The following STAU2 variants were observed in gnomAD, a reference collection of about 807,000 sequenced individuals.
STAU2 encodes staufen double-stranded RNA binding protein 2.
In STAU2, 20 loss-of-function variants were observed where a neutral mutation model predicts 65.9. The observed-to-expected ratio is 0.30, with a 90% CI of 0.21 to 0.44. The LOEUF (loss-of-function observed/expected upper bound fraction) is 0.44. STAU2 is among the 20% of genes least tolerant of loss of function. The probability of loss-of-function intolerance (pLI) is 1.00; values close to 1 mark genes in which losing one functional copy is unlikely to be tolerated. For missense variants in STAU2, 558 were observed against 683.9 expected, an observed-to-expected ratio of 0.82 and a Z score of 2.05; for synonymous variants, 232 against 233.9, an observed-to-expected ratio of 0.99 and a Z score of 0.07.
chr8:73,639,948 T>C (rs180771812), intron 6 of STAU2, among the ~76,000 whole-genome samples: 26 of 152,240 alleles, frequency 1.7e-4, no homozygotes, highest in African/African-American at 6.3e-4. Context: ...CTAAGAATAT[T>C]TACTCCAGTT....
chr8:73,555,374 G>A (rs1331405719), intron 12 of STAU2, among the ~76,000 whole-genome samples: 1 of 152,096 alleles, frequency 6.6e-6, no homozygotes, highest in Non-Finnish European at 1.5e-5. Flanking sequence ...GGCACGCAGG[G>A]GCCAAGGTCC....
chr8:73,478,305 T>TA (rs10660977), intron 13 of STAU2, among the ~76,000 whole-genome samples: 10,601 of 77,336 alleles, frequency 0.14, 812 homozygotes, highest in African/African-American at 0.23. Context: ...ACTGATGAGC[T>TA]AAAAAAAAAA....
At chr8:73,688,918 T>C in intron 4 of STAU2, 105 bp from the exon 5 acceptor site, 1 of 1,355,316 alleles carries the variant, frequency 7.4e-7, no homozygotes, top group East Asian at 2.3e-5. Flanking sequence ...ATTTTAGAGC[T>C]AGAGGTGACC....
chr8:73,646,935 C>CCA (rs1365707962), intron 6 of STAU2, among the ~76,000 whole-genome samples: 6 of 89,364 alleles, frequency 6.7e-5, no homozygotes, highest in African/African-American at 2.1e-4. Flanking sequence ...AGACACACAG[C>CCA]CAGACACACA....
intron 4 of STAU2, among the ~76,000 whole-genome samples, chr8:73,689,711 C>CTT (rs1325239454): frequency 9.2e-5 from 14 of 152,066 alleles, no homozygotes; most frequent in Non-Finnish European, 1.9e-4. Flanking sequence ...TCTAGGAATA[C>CTT]TAAGTATTAA....
At chr8:73,545,792 C>A (rs1300856787) in intron 13 of STAU2, among the ~76,000 whole-genome samples, 2 of 151,920 alleles carry the variant, frequency 1.3e-5, no homozygotes, top group South Asian at 2.1e-4. Context: ...GGACTCCAGG[C>A]GCCCGCCACC....
chr8:73,671,968 T>C (rs1390551419), intron 6 of STAU2, among the ~76,000 whole-genome samples: 1 of 151,644 alleles, frequency 6.6e-6, no homozygotes, highest in East Asian at 1.9e-4. Context: ...GTGGGTGCAG[T>C]GAGACAAGAT....
chr8:73,724,329 G>A (rs1304418210), intron 3 of STAU2, among the ~76,000 whole-genome samples: 6 of 152,010 alleles, frequency 3.9e-5, no homozygotes, highest in African/African-American at 1.5e-4. Context: ...GTCCCCATCC[G>A]TCCTTCTTAT....
At chr8:73,744,018 C>A (rs1807102337) in intron 1 of STAU2, among the ~76,000 whole-genome samples, 1 of 152,156 alleles carries the variant, frequency 6.6e-6, no homozygotes, top group African/African-American at 2.4e-5. Flanking sequence ...GATCCACCTG[C>A]CTCGGCCTCC....
intron 12 of STAU2, among the ~76,000 whole-genome samples, chr8:73,574,366 G>C (rs1332701465): frequency 6.6e-6 from 1 of 152,178 alleles, no homozygotes; most frequent in Non-Finnish European, 1.5e-5. Context: ...CAAGAGTCTA[G>C]AACTAGAAAT....
chr8:73,705,654 G>A (rs909881132), intron 4 of STAU2, among the ~76,000 whole-genome samples: 1 of 152,028 alleles, frequency 6.6e-6, no homozygotes, highest in Non-Finnish European at 1.5e-5. Flanking sequence ...TTATTATAAG[G>A]TATACTAACT....
At chr8:73,612,918 T>C (rs1025341908) in intron 9 of STAU2, among the ~76,000 whole-genome samples, 6 of 152,184 alleles carry the variant, frequency 3.9e-5, no homozygotes, top group Non-Finnish European at 7.4e-5. Context: ...ATGTCATACG[T>C]GTCAAGCATT....
chr8:73,519,095 A>G (rs1822899188), intron 13 of STAU2, among the ~76,000 whole-genome samples: 1 of 152,194 alleles, frequency 6.6e-6, no homozygotes, highest in South Asian at 2.1e-4. Context: ...GGAAGTTGCC[A>G]GCGGCAGTGA....
intron 13 of STAU2, among the ~76,000 whole-genome samples, chr8:73,523,989 A>C (rs996922042): frequency 2.0e-5 from 3 of 152,004 alleles, no homozygotes; most frequent in African/African-American, 7.3e-5. Flanking sequence ...TGAGGCTACA[A>C]TGAGTTGTGA....
intron 13 of STAU2, among the ~76,000 whole-genome samples, chr8:73,456,682 C>T (rs978369623): frequency 6.6e-6 from 1 of 152,304 alleles, no homozygotes. Context: ...TATTCTCTTC[C>T]TACCGTTCCT....
intron 3 of STAU2, among the ~76,000 whole-genome samples, chr8:73,724,005 T>C (rs6996826): frequency 0.3 from 46,324 of 152,056 alleles, 8,002 homozygotes; most frequent in East Asian, 0.48. Flanking sequence ...TCAAGTCTTG[T>C]TTTTATAATT....
chr8:73,614,096 G>T lies in STAU2; in HGVS notation c.679-140C>A, dbSNP rs139798768. The T allele has an allele frequency of 1.2e-4, 73 of 590,636 alleles. 1 individual carries two copies. In the East Asian group the frequency reaches 2.1e-3, roughly 17 times the overall value. 36.6% of individuals were successfully genotyped at this position (590,636 alleles called of 1,614,324 possible). On this transcript the variant is annotated intron_variant, in intron 8 of 14. Transcript: ENST00000524300. ...TTTCTTTAAGAAAGCTATTATGAAGGTATTATACTGGGACTATTTATGACA... is the reference window on the plus strand; with the variant it reads ...TTTCTTTAAGAAAGCTATTATGAAGTTATTATACTGGGACTATTTATGACA...
intron 13 of STAU2, among the ~76,000 whole-genome samples, chr8:73,465,197 C>A (rs7817466): frequency 6.6e-6 from 1 of 152,066 alleles, no homozygotes; most frequent in Non-Finnish European, 1.5e-5. Flanking sequence ...TTCCCGGCCA[C>A]GGAGGCAGTG....
At chr8:73,637,721 A>G (rs189051238) in intron 6 of STAU2, among the ~76,000 whole-genome samples, 71 of 152,026 alleles carry the variant, frequency 4.7e-4, no homozygotes, top group African/African-American at 1.6e-3. Flanking sequence ...AAAAACAAAA[A>G]CAAACACAAA....
Sources: gnomAD v4.1 joint callset for allele counts (sites outside exome capture counted in the v4.1 genomes callset) on GRCh38, gnomAD v4.1.1 for gene constraint, MANE v1.5 for transcripts, NCBI Gene and HGNC (gene_info 2026-07-23, HGNC 2026-07-21) for gene names.